LRP1B: variants seen among roughly 807,000 people sequenced by gnomAD.
LRP1B encodes LDL receptor related protein 1B.
Under a neutral mutation model 556.6 loss-of-function variants are expected in LRP1B, and 217 were observed. The ratio of observed to expected loss-of-function variants is 0.39; its 90% confidence interval spans 0.35 to 0.44. The LOEUF is 0.44. Among genes scored for constraint, LRP1B ranks in the 20% least tolerant of loss-of-function variants. The pLI is 1.00. For synonymous variants in LRP1B, 2,047 were observed against 1,865.8 expected (o/e 1.10, Z -2.50); for missense variants, 5,053 against 5,620.8 (o/e 0.90, Z 3.23).
intron 2 of LRP1B, among the ~76,000 whole-genome samples, chr2:141,571,074 G>C (rs72978005): frequency 0.029 from 4,326 of 151,272 alleles, 256 homozygotes; most frequent in African/African-American, 0.096. Context: ...CTGTTAAACG[G>C]GTCCTGTGCC....
At chr2:141,341,863 T>C (rs1688068173) in intron 3 of LRP1B, among the ~76,000 whole-genome samples, 1 of 152,148 alleles carries the variant, frequency 6.6e-6, no homozygotes, top group Admixed American at 6.5e-5. Context: ...ATAAACTTTG[T>C]GTAAAACCAA....
intron 23 of LRP1B, among the ~76,000 whole-genome samples, chr2:140,891,774 T>G (rs916846765): frequency 6.6e-6 from 1 of 152,192 alleles, no homozygotes. Context: ...CTTTCAAGTA[T>G]TGTTCAAACT....
rs114310880 is a variant in LRP1B at position 140,950,386 on chromosome 2, G to A, written c.2985C>T (p.Asp995=). ...GAACACAGCCCACCTCATCACTCCC[G>A]TCCCCACAGTCGTCATCTGGAAAGA... ...WHCDSDDDCG[D]GSDEVGCVHS... Residue 995 remains aspartate, a synonymous_variant, in exon 20 of 91, where the codon GAC becomes GAT. Transcript: ENST00000389484. The A allele has an allele frequency of 1.1e-3, 1,701 of 1,604,190 alleles. 21 individuals carry two copies. The African/African-American group carries it at 0.019, about 18-fold the overall frequency.
At chr2:141,080,108 G>A (rs1264418065) in intron 7 of LRP1B, among the ~76,000 whole-genome samples, 1 of 152,198 alleles carries the variant, frequency 6.6e-6, no homozygotes, top group African/African-American at 2.4e-5. Context: ...TCACATTCAG[G>A]ATATAAAGCC....
chr2:140,807,350 C>CT (rs979475642), intron 32 of LRP1B, among the ~76,000 whole-genome samples: 5 of 150,190 alleles, frequency 3.3e-5, no homozygotes, highest in African/African-American at 7.3e-5. Flanking sequence ...TATTTATTTA[C>CT]TTTTTTTTTA....
At chr2:141,428,704 A>T (rs1407877132) in intron 3 of LRP1B, among the ~76,000 whole-genome samples, 1 of 152,146 alleles carries the variant, frequency 6.6e-6, no homozygotes, top group African/African-American at 2.4e-5. Flanking sequence ...TTGATGTGAC[A>T]CTCTGCCAGA....
chr2:141,657,174 G>T (rs888294663), intron 2 of LRP1B, among the ~76,000 whole-genome samples: 1 of 151,984 alleles, frequency 6.6e-6, no homozygotes, highest in Non-Finnish European at 1.5e-5. Context: ...AACAGATATT[G>T]TATTTAGTTA....
chr2:141,878,747 AG>A (rs1698855669), intron 1 of LRP1B, among the ~76,000 whole-genome samples: 1 of 152,042 alleles, frequency 6.6e-6, no homozygotes, highest in South Asian at 2.1e-4. Context: ...CTAAATTTCA[AG>A]TAATGAACAG....
chr2:141,255,879 T>C (rs1002626230), intron 3 of LRP1B, among the ~76,000 whole-genome samples: 2 of 151,916 alleles, frequency 1.3e-5, no homozygotes, highest in Non-Finnish European at 2.9e-5. Flanking sequence ...ACTTCAGCAG[T>C]GCTACACTTT....
At chr2:141,503,038 T>C (rs1683783631) in intron 2 of LRP1B, among the ~76,000 whole-genome samples, 1 of 150,334 alleles carries the variant, frequency 6.7e-6, no homozygotes, top group Non-Finnish European at 1.5e-5. Context: ...ACCAATGATT[T>C]GCTTGAATCC....
At chr2:140,987,135 TA>T (rs1169584059) in intron 17 of LRP1B, among the ~76,000 whole-genome samples, 2 of 152,186 alleles carry the variant, frequency 1.3e-5, no homozygotes, top group African/African-American at 2.4e-5. Context: ...GTAACTTGAC[TA>T]TGTACTTCAT....
intron 35 of LRP1B, among the ~76,000 whole-genome samples, chr2:140,718,118 C>T (rs1353093593): frequency 6.6e-6 from 1 of 151,970 alleles, no homozygotes; most frequent in Non-Finnish European, 1.5e-5. Flanking sequence ...TAGACTTATA[C>T]GTCCAACTGT....
intron 47 of LRP1B, among the ~76,000 whole-genome samples, chr2:140,533,574 G>C (rs1446934295): frequency 2.6e-5 from 4 of 152,140 alleles, no homozygotes; most frequent in Admixed American, 2.6e-4. Context: ...TGAAATGGAA[G>C]ATATTTCAAA....
At chr2:141,271,336 T>TA (rs758032052) in intron 3 of LRP1B, among the ~76,000 whole-genome samples, 1,458 of 142,580 alleles carry the variant, frequency 0.01, 12 homozygotes, top group African/African-American at 0.022. Context: ...ACAACAACAT[T>TA]AAAAAAAAAA....
At chr2:141,130,117 G>A (rs1187565125) in intron 7 of LRP1B, among the ~76,000 whole-genome samples, 1 of 151,824 alleles carries the variant, frequency 6.6e-6, no homozygotes, top group African/African-American at 2.4e-5. Context: ...AGGTAGAGTG[G>A]CCATTAAAAA....
intron 35 of LRP1B, among the ~76,000 whole-genome samples, chr2:140,752,482 G>A (rs1688615287): frequency 1.3e-5 from 2 of 151,760 alleles, no homozygotes; most frequent in Non-Finnish European, 2.9e-5. Flanking sequence ...TTAACACTAA[G>A]CCCAGCTAAT....
At chr2:140,588,603 A>T (rs564853773) in intron 43 of LRP1B, among the ~76,000 whole-genome samples, 89 of 152,304 alleles carry the variant, frequency 5.8e-4, no homozygotes, top group Middle Eastern at 3.4e-3. Flanking sequence ...AGAACAGGGA[A>T]CCCCAATATA....
At chr2:141,445,470 G>A (rs1400118606) in intron 3 of LRP1B, among the ~76,000 whole-genome samples, 2 of 152,044 alleles carry the variant, frequency 1.3e-5, no homozygotes, top group Admixed American at 6.6e-5. Context: ...GATAACTTTT[G>A]AATTTGTTTG....
rs1682874130 is a variant in LRP1B at position 141,480,404 on chromosome 2, T to C, written c.335A>G (p.His112Arg). 6.2e-7 allele frequency: 1 copy of C among 1,613,914 alleles called. No homozygotes were observed. Among genetic ancestry groups the C allele is most frequent in the Non-Finnish European group, 8.5e-7 (1 of 1,179,902 alleles). ...TCCACAAATGGACTCACCCTGACAA[T>C]GTACTCCTTCGTCATACCCATCTGG... ...DCPDGYDEGVHCQELLSNCQQ... is the reference protein window; with the variant it reads ...DCPDGYDEGVRCQELLSNCQQ... Residue 112 changes from histidine to arginine, a missense_variant, in exon 3 of 91, where the codon CAT becomes CGT. Coordinates refer to ENST00000389484, the MANE Select transcript of LRP1B (RefSeq NM_018557.3).
Sources: gnomAD v4.1 joint callset for allele counts (sites outside exome capture counted in the v4.1 genomes callset) on GRCh38, gnomAD v4.1.1 for gene constraint, MANE v1.5 for transcripts, NCBI Gene and HGNC (gene_info 2026-07-23, HGNC 2026-07-21) for gene names.